The following CACNA1C variants were observed in gnomAD, a reference collection of about 807,000 sequenced individuals.
CACNA1C encodes the protein voltage-dependent L-type calcium channel subunit alpha-1C.
CACNA1C carries 30 observed loss-of-function variants against 229.0 expected under a neutral mutation model. The observed-to-expected ratio is 0.13, with a 90% CI of 0.10 to 0.18. The LOEUF (loss-of-function observed/expected upper bound fraction) is 0.18. CACNA1C is among the 10% of genes least tolerant of loss of function. The pLI, the probability that CACNA1C is intolerant of heterozygous loss-of-function variation, is 1.00. For synonymous variants in CACNA1C, 1,114 were observed against 1,132.5 expected (o/e 0.98, Z 0.33); for missense variants, 1,658 against 2,845.0 (o/e 0.58, Z 9.49).
intron 4 of CACNA1C, among the ~76,000 whole-genome samples, chr12:2,453,408 C>T (rs1160670803): frequency 1.3e-5 from 2 of 152,072 alleles, no homozygotes; most frequent in South Asian, 2.1e-4. Flanking sequence ...ATATGGAGAC[C>T]CACTCCTAAT....
At chr12:2,191,869 C>A (rs2097236394) in intron 3 of CACNA1C, among the ~76,000 whole-genome samples, 1 of 75,488 alleles carries the variant, frequency 1.3e-5, no homozygotes, top group South Asian at 4.9e-4. Flanking sequence ...TACTCGCATA[C>A]ACAGGCGCAC....
chr12:2,060,608 G>A lies in CACNA1C; in HGVS notation c.49+6997G>A, dbSNP rs150045723. ...GACTCGGTCTAGCTTGAAGACGGAGGCATGAGCCAGGCTCATGCTTAGAGA... is the reference window on the plus strand; with the variant it reads ...GACTCGGTCTAGCTTGAAGACGGAGACATGAGCCAGGCTCATGCTTAGAGA... On this transcript the variant is annotated intron_variant, in intron 1 of 46. Coordinates refer to ENST00000399655, the MANE Select transcript of CACNA1C (RefSeq NM_000719.7). Among the ~76,000 whole-genome samples, 243 of 152,302 alleles carry A rather than the reference G, an allele frequency of 1.6e-3. 1 individual carries two copies. Among genetic ancestry groups the A allele is most frequent in the African/African-American group, 3.6e-3 (150 of 41,574 alleles).
chr12:2,373,227 A>G (rs557223551), intron 3 of CACNA1C, among the ~76,000 whole-genome samples: 5 of 152,150 alleles, frequency 3.3e-5, no homozygotes, highest in African/African-American at 1.2e-4. Flanking sequence ...TATATTACTT[A>G]CTTGTCACCC....
intron 3 of CACNA1C, among the ~76,000 whole-genome samples, chr12:2,438,286 A>G (rs112095196): frequency 0.53 from 44,136 of 83,510 alleles, 8,022 homozygotes; most frequent in East Asian, 0.77. Flanking sequence ...TGATAGTGGT[A>G]ATGATGGTGG....
intron 1 of CACNA1C, among the ~76,000 whole-genome samples, chr12:2,110,914 G>A (rs1425586635): frequency 2.3e-5 from 2 of 87,558 alleles, no homozygotes; most frequent in African/African-American, 7.4e-5. Context: ...CAGGCCCGGA[G>A]GTGGTCAGTC....
chr12:2,646,768 AAGAGAGAGAG>A lies in CACNA1C; in HGVS notation c.3913-1694_3913-1685del, dbSNP rs59068153. ...TGCCTGTATGAGAGAGAGAGAGAGA[AAGAGAGAGAG>A]AGAGAGAGAGAGTGTGTGTGTGCGC... On this transcript the variant is annotated intron_variant, in intron 30 of 46. Coordinates refer to ENST00000399655, the MANE Select transcript of CACNA1C (RefSeq NM_000719.7). The surrounding 1 kb of genome is among the most constrained non-coding windows in gnomAD (Gnocchi z 4.6). 3.5e-4 allele frequency among the ~76,000 whole-genome samples: 51 copies of A among 146,506 alleles called. No individual in the cohort carries two copies. Among genetic ancestry groups the A allele is most frequent in the African/African-American group, 9.2e-4 (37 of 40,140 alleles).
In CACNA1C at chr12:2,696,303, T is replaced by G. The variant is rs1428052283; in HGVS notation, c.*5104T>G. ...CAGAATTAGCATTTTTCATGAAAGT[T>G]CCCCACGTCTCTACTAAGAATGAGG... On this transcript the variant is annotated 3_prime_UTR_variant, in exon 47 of 47. Coordinates refer to ENST00000399655, the MANE Select transcript of CACNA1C (RefSeq NM_000719.7). The G allele has an allele frequency of 6.6e-6, 1 of 152,072 alleles. No individual in the cohort carries two copies. Among genetic ancestry groups the G allele is most frequent in the African/African-American group, 2.4e-5 (1 of 41,394 alleles). The allele number at this position is 152,072 out of a possible 1,614,324, so 9.4% of individuals were successfully genotyped here.
intron 6 of CACNA1C, among the ~76,000 whole-genome samples, chr12:2,490,111 C>A (rs2099712756): frequency 6.6e-6 from 1 of 152,214 alleles, no homozygotes; most frequent in Admixed American, 6.5e-5. Context: ...GTTCTCAAAT[C>A]TTTTTCATTA....
intron 3 of CACNA1C, among the ~76,000 whole-genome samples, chr12:2,219,776 A>G (rs2060964649): frequency 6.6e-6 from 1 of 152,158 alleles, no homozygotes; most frequent in South Asian, 2.1e-4. Flanking sequence ...GCACCCTTAT[A>G]TGTGGAAAGA....
At chr12:2,112,599 G>A (rs948632604) in intron 1 of CACNA1C, among the ~76,000 whole-genome samples, 2 of 152,180 alleles carry the variant, frequency 1.3e-5, no homozygotes, top group African/African-American at 4.8e-5. Context: ...GAGTGGAGGC[G>A]GGGCTGTAAT....
chr12:2,146,096 A>G (rs1397123022), intron 3 of CACNA1C, among the ~76,000 whole-genome samples: 4 of 151,282 alleles, frequency 2.6e-5, no homozygotes, highest in Non-Finnish European at 5.9e-5. Flanking sequence ...CTTCTAATTC[A>G]ACACTGGGAT....
At chr12:2,680,715 G>C (rs1259253712) in intron 42 of CACNA1C, 1 of 675,462 alleles carries the variant, frequency 1.5e-6, no homozygotes, top group Non-Finnish European at 2.5e-6. Flanking sequence ...CCCATTTCAA[G>C]AGGGCTGCAT....
At chr12:2,465,893 C>G (rs2099547298) in intron 5 of CACNA1C, among the ~76,000 whole-genome samples, 1 of 152,140 alleles carries the variant, frequency 6.6e-6, no homozygotes, top group Non-Finnish European at 1.5e-5. Flanking sequence ...CCATCCTGCT[C>G]TGTCCTGAGC....
chr12:2,277,370 C>G lies in CACNA1C; in HGVS notation c.477+156940C>G, dbSNP rs867295530. 7.1e-3 allele frequency among the ~76,000 whole-genome samples: 226 copies of G among 31,786 alleles called. 2 individuals are homozygous for G. Among genetic ancestry groups the G allele is most frequent in the African/African-American group, 0.017 (162 of 9,318 alleles). 20.9% of individuals were successfully genotyped at this position (31,786 alleles called of 152,430 possible). ...AGACAGACAGACAGACAGACACACA[C>G]ACACACACACACACACACACACACA... On this transcript the variant is annotated intron_variant, in intron 3 of 46. Coordinates refer to ENST00000399655, the MANE Select transcript of CACNA1C (RefSeq NM_000719.7).
intron 29 of CACNA1C, among the ~76,000 whole-genome samples, chr12:2,626,572 A>G (rs1018014753): frequency 6.6e-5 from 10 of 152,158 alleles, no homozygotes; most frequent in Non-Finnish European, 7.3e-5. Flanking sequence ...GTGCATGGCC[A>G]TGTGTCTGCC....
rs11611820 is a variant in CACNA1C at position 2,520,180 on chromosome 12, A to G, written c.1390+7196A>G. ...CCGTGTGCTTCAGAGGAGGGAAGCC[A>G]TGACAGTCTTCTCATTGACCAATGG... is the stretch of plus-strand genomic sequence containing the variant. On this transcript the variant is annotated intron_variant, in intron 9 of 46. Coordinates refer to ENST00000399655, the MANE Select transcript of CACNA1C (RefSeq NM_000719.7). 6.5e-3 allele frequency among the ~76,000 whole-genome samples: 802 copies of G among 124,156 alleles called. 1 individual carries two copies. Among genetic ancestry groups the G allele is most frequent in the African/African-American group, 0.01 (318 of 31,118 alleles). 81.5% of individuals were successfully genotyped at this position (124,156 alleles called of 152,430 possible). A position where few individuals can be genotyped will look rare whatever the true frequency, so the allele number is the denominator to read the frequency against.
intron 3 of CACNA1C, among the ~76,000 whole-genome samples, chr12:2,264,545 T>TA (rs1301745031): frequency 6.6e-5 from 10 of 152,220 alleles, no homozygotes; most frequent in Admixed American, 1.3e-4. Flanking sequence ...CATGCCAAGT[T>TA]GAGAGCATTT....
At chr12:2,362,589 A>G (rs958053552) in intron 3 of CACNA1C, among the ~76,000 whole-genome samples, 13 of 152,140 alleles carry the variant, frequency 8.5e-5, no homozygotes, top group Non-Finnish European at 1.6e-4. Flanking sequence ...CTCCAGCTGG[A>G]CCATAATCCT....
intron 3 of CACNA1C, among the ~76,000 whole-genome samples, chr12:2,434,730 A>C (rs1461567768): frequency 6.6e-6 from 1 of 152,158 alleles, no homozygotes; most frequent in Non-Finnish European, 1.5e-5. Flanking sequence ...TCATTCTTCC[A>C]GCCGTTCTGA....
Sources: gnomAD v4.1 joint callset for allele counts (sites outside exome capture counted in the v4.1 genomes callset) on GRCh38, gnomAD v4.1.1 for gene constraint, Gnocchi (gnomAD v3.1) non-coding constraint, MANE v1.5 for transcripts, NCBI Gene and HGNC (gene_info 2026-07-23, HGNC 2026-07-21) for gene names.